The following ZNF654 variants were observed in gnomAD, a reference collection of about 807,000 sequenced individuals.
The protein encoded by ZNF654 is melanoma-associated antigen.
In ZNF654, 19 loss-of-function variants were observed where a neutral mutation model predicts 95.3. The observed-to-expected ratio is 0.20, with a 90% CI of 0.14 to 0.29. The LOEUF is 0.29. ZNF654 is among the 10% of genes least tolerant of loss of function. ZNF654 has a pLI of 1.00. For missense variants in ZNF654, 1,046 were observed against 1,341.0 expected (o/e 0.78, Z 3.44); for synonymous variants, 413 against 457.9 (o/e 0.90, Z 1.25).
chr3:88,075,110 A>G (rs1241412230), intron 1 of ZNF654, among the ~76,000 whole-genome samples: 10 of 152,042 alleles, frequency 6.6e-5, no homozygotes, highest in East Asian at 5.8e-4. Context: ...GATGTTTCCT[A>G]CTTTATATTT....
intron 3 of ZNF654, among the ~76,000 whole-genome samples, chr3:88,119,181 C>G (rs1705601956): frequency 6.8e-6 from 1 of 147,370 alleles, no homozygotes; most frequent in South Asian, 2.2e-4. Flanking sequence ...GTGGCACATA[C>G]ACACCATGGA....
intron 3 of ZNF654, among the ~76,000 whole-genome samples, chr3:88,116,258 C>G: frequency 6.6e-6 from 1 of 152,182 alleles, no homozygotes; most frequent in South Asian, 2.1e-4. Context: ...TAGTGGTTCA[C>G]CCCTGTAATC....
Position 88,140,534 on chromosome 3 carries a change from G to C in ZNF654, c.2865G>C (p.Leu955Phe). 1 of 1,613,708 alleles carries C rather than the reference G, an allele frequency of 6.2e-7. No homozygotes were observed. The highest frequency in any genetic ancestry group is 1.1e-5 in the South Asian group (1 of 91,066). Residue 955 changes from leucine (L) to phenylalanine (F), a missense_variant, in exon 8 of 9, where the codon TTG becomes TTC. Leu to Phe is a conservative substitution (Grantham distance 22). Coordinates refer to ENST00000636215, the MANE Select transcript of ZNF654 (RefSeq NM_001350134.2). ...ATGACACTGTTTCAAATATAAGCTT[G>C]ATAGACCAAAAGATGCCTGACATAG... ...RSDDTVSNIS[L>F]IDQKMPDIEP...
chr3:88,140,567 T>C lies in ZNF654; in HGVS notation c.2898T>C (p.Asn966=). The part of the protein sequence containing the change: ...IDQKMPDIEP[N]SENNCSSSDI... Reference sequence around the variant, plus strand: ...AAAAGATGCCTGACATAGAGCCAAATTCTGAAAATAATTGTAGTAGTAGTG... The same window carrying C: ...AAAAGATGCCTGACATAGAGCCAAACTCTGAAAATAATTGTAGTAGTAGTG... Residue 966 remains asparagine, a synonymous_variant, in exon 8 of 9, where the codon AAT becomes AAC. Coordinates refer to ENST00000636215, the MANE Select transcript of ZNF654 (RefSeq NM_001350134.2). 1 of 1,613,732 alleles carries C rather than the reference T, an allele frequency of 6.2e-7. No individual in the cohort carries two copies. Among genetic ancestry groups the C allele is most frequent in the Middle Eastern group, 1.6e-4 (1 of 6,062 alleles).
At chr3:88,111,789 G>C (rs562971102) in intron 2 of ZNF654, among the ~76,000 whole-genome samples, 1 of 151,800 alleles carries the variant, frequency 6.6e-6, no homozygotes, top group Non-Finnish European at 1.5e-5. Flanking sequence ...CCTCCAACAA[G>C]ATTATCAGGT....
chr3:88,093,097 C>T (rs1703844978), intron 2 of ZNF654, among the ~76,000 whole-genome samples: 1 of 152,146 alleles, frequency 6.6e-6, no homozygotes, highest in South Asian at 2.1e-4. Flanking sequence ...TTGCTTTGTG[C>T]ATATGGACCT....
chr3:88,127,039 C>T (rs6551273), intron 4 of ZNF654, among the ~76,000 whole-genome samples: 107,402 of 151,918 alleles, frequency 0.71, 41,676 homozygotes, highest in South Asian at 0.91. Flanking sequence ...TTCCTGAACC[C>T]CAGAACATTT....
chr3:88,071,081 G>A (rs1439920677), intron 1 of ZNF654, among the ~76,000 whole-genome samples: 1 of 152,172 alleles, frequency 6.6e-6, no homozygotes, highest in African/African-American at 2.4e-5. Flanking sequence ...ATATCATCCT[G>A]TCATCCTGTG....
intron 1 of ZNF654, among the ~76,000 whole-genome samples, chr3:88,082,405 G>T (rs544435725): frequency 1.3e-5 from 2 of 152,208 alleles, no homozygotes; most frequent in African/African-American, 4.8e-5. Flanking sequence ...GATTACAGGC[G>T]TGAGCCACCA....
chr3:88,140,644 A>C lies in ZNF654; in HGVS notation c.2975A>C (p.Asp992Ala), dbSNP rs759835377. ...EIEQTPLVSS[D>A]PALKIDTNRI... is the part of the protein sequence containing the mutation. ...GAGCAAACACCTTTAGTTTCATCAG[A>C]TCCTGCTTTGAAAATTGATACAAAC... The change falls in exon 8 of 9, where the codon GAT becomes GCT. Residue 992 changes from aspartate to alanine, a missense_variant. This residue lies in a region of ZNF654 where 495 missense variants were observed against 537.0 expected (regional missense o/e 0.92). Coordinates refer to ENST00000636215, the MANE Select transcript of ZNF654 (RefSeq NM_001350134.2). 1.4e-5 allele frequency: 22 copies of C among 1,613,626 alleles called. No individual in the cohort carries two copies. The Admixed American group carries it at 3.3e-4, about 24-fold the overall frequency.
chr3:88,132,091 A>T (rs1706499917), intron 6 of ZNF654, among the ~76,000 whole-genome samples: 1 of 152,122 alleles, frequency 6.6e-6, no homozygotes, highest in South Asian at 2.1e-4. Context: ...TTAACCCAAC[A>T]AGCTTATGGA....
intron 5 of ZNF654, 163 bp downstream of exon 5, chr3:88,129,174 A>C: frequency 1.8e-6 from 1 of 560,602 alleles, no homozygotes; most frequent in Non-Finnish European, 3.1e-6. Flanking sequence ...CCATAACTTA[A>C]GGTCATGTTG....
chr3:88,104,772 A>T (rs1704632245), intron 2 of ZNF654, among the ~76,000 whole-genome samples: 1 of 152,248 alleles, frequency 6.6e-6, no homozygotes, highest in East Asian at 1.9e-4. Context: ...AGAAGAGGTC[A>T]AACAGAACAA....
At chr3:88,108,168 C>T (rs1357536794) in intron 2 of ZNF654, among the ~76,000 whole-genome samples, 4 of 151,410 alleles carry the variant, frequency 2.6e-5, no homozygotes, top group Non-Finnish European at 5.9e-5. Context: ...TATATGAATT[C>T]AGGTCACGAC....
At position 88,142,651 on chromosome 3, in the gene ZNF654, G is replaced by T. The variant is rs1294899918; in HGVS notation, c.*999G>T. ...ATAACTGGCTCAAAAAATCAGCTAA[G>T]AATCAGGTTGAGAAATCATTCATTT... On this transcript the variant is annotated 3_prime_UTR_variant, in exon 9 of 9. Transcript: ENST00000636215. 6.6e-6 allele frequency: 1 copy of T among 152,248 alleles called. No individual in the cohort carries two copies. The highest frequency in any genetic ancestry group is 1.5e-5 in the Non-Finnish European group (1 of 67,818). The allele number at this position is 152,248 out of a possible 1,614,324, so 9.4% of individuals were successfully genotyped here. A position where few individuals can be genotyped will look rare whatever the true frequency, so the allele number is the denominator to read the frequency against.
chr3:88,104,121 G>A (rs757158804), intron 2 of ZNF654, among the ~76,000 whole-genome samples: 56 of 152,062 alleles, frequency 3.7e-4, no homozygotes, highest in Non-Finnish European at 5.7e-4. Context: ...ATCAAAAACT[G>A]AGGTAATTCA....
chr3:88,080,124 T>C (rs1576223243), intron 1 of ZNF654, among the ~76,000 whole-genome samples: 2 of 152,086 alleles, frequency 1.3e-5, no homozygotes. Flanking sequence ...TAGCATTTTA[T>C]TTATATTGCT....
intron 7 of ZNF654, among the ~76,000 whole-genome samples, chr3:88,135,879 T>A (rs577320038): frequency 7.2e-4 from 110 of 152,268 alleles, no homozygotes; most frequent in African/African-American, 2.6e-3. Flanking sequence ...TGAATCTCTA[T>A]GTTGGTTACT....
At chr3:88,141,536 A>G in intron 8 of ZNF654, 109 bp from the exon 9 acceptor site, 1 of 722,996 alleles carries the variant, frequency 1.4e-6, no homozygotes. Context: ...CTGTCTACTA[A>G]TATCAATATC....
Sources: gnomAD v4.1 joint callset for allele counts (sites outside exome capture counted in the v4.1 genomes callset) on GRCh38, gnomAD v4.1.1 for gene constraint, gnomAD v4.1.1 regional missense constraint, MANE v1.5 for transcripts, NCBI Gene and HGNC (gene_info 2026-07-23, HGNC 2026-07-21) for gene names.